The following CCDC80 variants were observed in gnomAD, a reference collection of about 807,000 sequenced individuals.
The protein encoded by CCDC80 is coiled-coil domain-containing protein 80.
A neutral mutation model predicts 78.7 loss-of-function variants in CCDC80; 49 were observed. The ratio of observed to expected loss-of-function variants is 0.62; its 90% CI spans 0.50 to 0.79. CCDC80 has a LOEUF of 0.79. CCDC80 is among the 30% of genes least tolerant of loss of function. The probability of loss-of-function intolerance (pLI) is 0.00; values close to 1 mark genes in which losing one functional copy is unlikely to be tolerated. For missense variants in CCDC80, 1,205 were observed against 1,198.6 expected, an observed-to-expected ratio of 1.01 and a Z score of -0.08; for synonymous variants, 488 against 447.0, an observed-to-expected ratio of 1.09 and a Z score of -1.16.
chr3:112,622,614 G>A (rs896071537), intron 3 of CCDC80, among the ~76,000 whole-genome samples: 2 of 151,922 alleles, frequency 1.3e-5, no homozygotes, highest in African/African-American at 2.4e-5. Flanking sequence ...ATGATTGTAA[G>A]GATTACAGGG....
chr3:112,628,307 A>G (rs1486064848), intron 3 of CCDC80, among the ~76,000 whole-genome samples: 2 of 152,216 alleles, frequency 1.3e-5, no homozygotes. Flanking sequence ...TTTATCACCA[A>G]GAATAATAAT....
Position 112,603,781 on chromosome 3 carries a change from C to T in CCDC80, c.*1636G>A, listed in dbSNP as rs1182735604. On this transcript the variant is annotated 3_prime_UTR_variant, in exon 8 of 8. Transcript: ENST00000206423. ...ACTATAACTGTCACAGATTGTGATCCCGCTAATGGATCTGGGCAAAGCAAA... is the reference window on the plus strand; with the variant it reads ...ACTATAACTGTCACAGATTGTGATCTCGCTAATGGATCTGGGCAAAGCAAA... 3.3e-5 allele frequency: 5 copies of T among 151,894 alleles called. No individual in the cohort carries two copies. The highest frequency in any genetic ancestry group is 9.7e-5 in the African/African-American group (4 of 41,332). The allele number at this position is 151,894 out of a possible 1,614,324, so 9.4% of individuals were successfully genotyped here.
At chr3:112,622,259 T>C (rs1039018423) in intron 3 of CCDC80, among the ~76,000 whole-genome samples, 5 of 152,230 alleles carry the variant, frequency 3.3e-5, no homozygotes, top group African/African-American at 4.8e-5. Context: ...TTCTGAAATA[T>C]TTCAACCAAA....
chr3:112,606,634 A>G (rs1404848935), intron 7 of CCDC80, among the ~76,000 whole-genome samples: 1 of 148,346 alleles, frequency 6.7e-6, no homozygotes, highest in Non-Finnish European at 1.5e-5. Context: ...CATGTTGGCC[A>G]GGCTGGTTTC....
intron 5 of CCDC80, among the ~76,000 whole-genome samples, chr3:112,614,703 T>C (rs1281409015): frequency 1.3e-5 from 2 of 152,200 alleles, no homozygotes; most frequent in African/African-American, 4.8e-5. Context: ...CGAAATTCTG[T>C]GGTTTTAAGA....
rs1935349217 is a variant in CCDC80 at position 112,600,181 on chromosome 3, G to C, written c.*5236C>G. The C allele has an allele frequency of 6.6e-6, 1 of 152,104 alleles. No homozygotes were observed. Among genetic ancestry groups the C allele is most frequent in the Non-Finnish European group, 1.5e-5 (1 of 68,028 alleles). The allele number at this position is 152,104 out of a possible 1,614,324, so 9.4% of individuals were successfully genotyped here. A position where few individuals can be genotyped will look rare whatever the true frequency, so the allele number is the denominator to read the frequency against. Reference sequence around the variant, plus strand: ...ATGCCTTGTATTTTTCCAGATTATAGGCTTTGAGGACATTCACCAATAGCA... The same window carrying C: ...ATGCCTTGTATTTTTCCAGATTATACGCTTTGAGGACATTCACCAATAGCA... On this transcript the variant is annotated 3_prime_UTR_variant, in exon 8 of 8. Coordinates refer to ENST00000206423, the MANE Select transcript of CCDC80 (RefSeq NM_199511.3).
chr3:112,633,050 C>T (rs1375137444), intron 2 of CCDC80, among the ~76,000 whole-genome samples: 2 of 152,212 alleles, frequency 1.3e-5, no homozygotes. Context: ...AATAAATCCA[C>T]TTAATCTTCT....
intron 6 of CCDC80, 139 bp downstream of exon 6, chr3:112,609,839 T>C (rs1440594102): frequency 6.4e-6 from 4 of 624,038 alleles, no homozygotes; most frequent in African/African-American, 5.5e-5. Context: ...ATACTCAATA[T>C]AGTAGAGTAT....
In CCDC80 at chr3:112,618,957, A is replaced by G. The variant is rs770240098; in HGVS notation, c.2172+11T>C. ...AAATAGTACTACATTATTCAGAATA[A>G]GAAACTGTACCTTGACTCTCAGATC... On this transcript the variant is annotated intron_variant, in intron 4 of 7. Coordinates refer to ENST00000206423, the MANE Select transcript of CCDC80 (RefSeq NM_199511.3). 9.3e-6 allele frequency: 15 copies of G among 1,613,206 alleles called. No individual in the cohort carries two copies. Among genetic ancestry groups the G allele is most frequent in the Non-Finnish European group, 1.3e-5 (15 of 1,179,606 alleles).
intron 5 of CCDC80, among the ~76,000 whole-genome samples, chr3:112,615,383 C>A (rs918856452): frequency 6.6e-6 from 1 of 152,020 alleles, no homozygotes; most frequent in Non-Finnish European, 1.5e-5. Context: ...AACCCCTTAA[C>A]CACACAGTAT....
Position 112,639,212 on chromosome 3 carries a change from T to C in CCDC80, c.694A>G (p.Lys232Glu). Reference sequence around the variant, plus strand: ...TTCTTCAGCAGCACCATGCCAAACTTGCCCTTCTCCAGCTTCAGGAAGCTC... The same window carrying C: ...TTCTTCAGCAGCACCATGCCAAACTCGCCCTTCTCCAGCTTCAGGAAGCTC... ...LMSFLKLEKG[K>E]FGMVLLKKTL... is the part of the protein sequence containing the mutation. The change falls in exon 2 of 8, where the codon AAG becomes GAG. Residue 232 changes from lysine (K) to glutamate (E), a missense_variant. Physicochemically the swap from Lys to Glu is moderately conservative, Grantham distance 56. Coordinates refer to ENST00000206423, the MANE Select transcript of CCDC80 (RefSeq NM_199511.3). 1 of 1,614,136 alleles carries C rather than the reference T, an allele frequency of 6.2e-7. No homozygotes were observed. The highest frequency in any genetic ancestry group is 8.5e-7 in the Non-Finnish European group (1 of 1,180,018).
At position 112,638,439 on chromosome 3, in the gene CCDC80, C is replaced by T. The variant is rs1936258453; in HGVS notation, c.1467G>A (p.Lys489=). The change falls in exon 2 of 8, where the codon AAG becomes AAA. Residue 489 remains lysine (K), a synonymous_variant. Coordinates refer to ENST00000206423, the MANE Select transcript of CCDC80 (RefSeq NM_199511.3). ...NVVPGPPKPA[K]EKPPKKKAQD... is the part of the protein sequence containing the mutation. Reference sequence around the variant, plus strand: ...GGGCCTTCTTTTTGGGAGGTTTCTCCTTTGCTGGCTTGGGAGGACCTGGCA... The same window carrying T: ...GGGCCTTCTTTTTGGGAGGTTTCTCTTTTGCTGGCTTGGGAGGACCTGGCA... The T allele has an allele frequency of 6.2e-7, 1 of 1,613,290 alleles. No individual in the cohort carries two copies. The highest frequency in any genetic ancestry group is 8.5e-7 in the Non-Finnish European group (1 of 1,179,908).
rs1935361490 is a variant in CCDC80, at chr3:112,600,840, A to T, written c.*4577T>A. 6.6e-6 allele frequency: 1 copy of T among 152,118 alleles called. No individual in the cohort carries two copies. Among genetic ancestry groups the T allele is most frequent in the South Asian group, 2.1e-4 (1 of 4,822 alleles). 9.4% of individuals were successfully genotyped at this position (152,118 alleles called of 1,614,324 possible). A position where few individuals can be genotyped will look rare whatever the true frequency, so the allele number is the denominator to read the frequency against. ...TATTATATTTCCTGAAGTTGACATG[A>T]TTTGGGTCCTTTACTTAGAAATTGT... On this transcript the variant is annotated 3_prime_UTR_variant, in exon 8 of 8. Transcript: ENST00000206423.
intron 3 of CCDC80, among the ~76,000 whole-genome samples, chr3:112,619,413 T>G (rs535436990): frequency 2.3e-3 from 350 of 152,280 alleles, no homozygotes; most frequent in Non-Finnish European, 3.7e-3. Flanking sequence ...AGGAGAAGAC[T>G]GCAACTCACC....
At chr3:112,635,443 T>A (rs1936187686) in intron 2 of CCDC80, among the ~76,000 whole-genome samples, 1 of 152,208 alleles carries the variant, frequency 6.6e-6, no homozygotes. Context: ...GCTTCCTGAG[T>A]AACATTAGCC....
chr3:112,638,467 A>G lies in CCDC80; in HGVS notation c.1439T>C (p.Val480Ala), dbSNP rs1476439848. ...TGCTGGCTTGGGAGGACCTGGCACC[A>G]CATTTGGGTCTCGGTGGCCATGTTC... ...RREHGHRDPN[V>A]VPGPPKPAKE... Residue 480 changes from valine to alanine, a missense_variant, in exon 2 of 8, where the codon GTG becomes GCG. Val to Ala is a moderately conservative substitution (Grantham distance 64, BLOSUM62 0). Transcript: ENST00000206423. 2 of 1,603,074 alleles carry G rather than the reference A, an allele frequency of 1.2e-6. No homozygotes were observed. Among genetic ancestry groups the G allele is most frequent in the Non-Finnish European group, 1.7e-6 (2 of 1,176,886 alleles).
At chr3:112,616,599 G>T in intron 5 of CCDC80, 111 bp downstream of exon 5, 1 of 1,253,190 alleles carries the variant, frequency 8.0e-7, no homozygotes, top group Non-Finnish European at 1.1e-6. Flanking sequence ...TTTCTCCAAG[G>T]AGGATTACTC....
At chr3:112,627,679 C>T (rs1342597855) in intron 3 of CCDC80, among the ~76,000 whole-genome samples, 1 of 152,122 alleles carries the variant, frequency 6.6e-6, no homozygotes, top group Admixed American at 6.5e-5. Context: ...TGGCCGACTC[C>T]CAGTCTTGGC....
chr3:112,605,374 G>T lies in CCDC80; in HGVS notation c.*43C>A. 1 of 1,386,374 alleles carries T rather than the reference G, an allele frequency of 7.2e-7. No individual in the cohort carries two copies. The highest frequency in any genetic ancestry group is 1.0e-6 in the Non-Finnish European group (1 of 994,794). 85.9% of individuals were successfully genotyped at this position (1,386,374 alleles called of 1,614,324 possible). A position where few individuals can be genotyped will look rare whatever the true frequency, so the allele number is the denominator to read the frequency against. On this transcript the variant is annotated 3_prime_UTR_variant, in exon 8 of 8. Transcript: ENST00000206423. ...GAGCTGGCCACATGTAGTTTTAGCA[G>T]CTGCAGAGGAAACTGGCTGAGTCTA...
Sources: gnomAD v4.1 joint callset for allele counts (sites outside exome capture counted in the v4.1 genomes callset) on GRCh38, gnomAD v4.1.1 for gene constraint, MANE v1.5 for transcripts, NCBI Gene and HGNC (gene_info 2026-07-23, HGNC 2026-07-21) for gene names.